RBFOX1: variants seen among roughly 807,000 people sequenced by gnomAD.
The protein encoded by RBFOX1 is RNA binding fox-1 homolog 1.
A neutral mutation model predicts 57.7 loss-of-function variants in RBFOX1; 8 were observed. The observed-to-expected ratio is 0.14, with a 90% CI of 0.08 to 0.25. The LOEUF is 0.25. Among genes scored for constraint, RBFOX1 ranks in the 10% least tolerant of loss-of-function variants. RBFOX1 has a pLI of 1.00. For missense variants in RBFOX1, 611 were observed against 548.5 expected, an observed-to-expected ratio of 1.11 and a Z score of -1.14; for synonymous variants, 326 against 222.4, an observed-to-expected ratio of 1.47 and a Z score of -4.15.
intron 3 of RBFOX1, among the ~76,000 whole-genome samples, chr16:6,938,482 C>G (rs1405528680): frequency 6.6e-6 from 1 of 152,242 alleles, no homozygotes; most frequent in South Asian, 2.1e-4. Flanking sequence ...TGAGAAATTT[C>G]TAAGTCTCAT....
intron 1 of RBFOX1, among the ~76,000 whole-genome samples, chr16:5,397,880 A>G (rs974444266): frequency 3.3e-5 from 5 of 152,302 alleles, no homozygotes; most frequent in South Asian, 2.1e-4. Flanking sequence ...GAATTGTCCT[A>G]TGTTCTATGT....
At chr16:7,061,410 G>C (rs752829176) in intron 4 of RBFOX1, among the ~76,000 whole-genome samples, 8 of 152,128 alleles carry the variant, frequency 5.3e-5, no homozygotes, top group Non-Finnish European at 8.8e-5. Context: ...ACTAGTCACA[G>C]ATTTTAATTT....
intron 2 of RBFOX1, among the ~76,000 whole-genome samples, chr16:6,440,122 A>G (rs2094345658): frequency 6.6e-6 from 1 of 151,850 alleles, no homozygotes; most frequent in African/African-American, 2.4e-5. Context: ...TTTTTAGTAG[A>G]GACGGGGCTT....
At chr16:5,461,076 C>T (rs1311438294) in intron 1 of RBFOX1, among the ~76,000 whole-genome samples, 5 of 152,114 alleles carry the variant, frequency 3.3e-5, no homozygotes, top group African/African-American at 7.2e-5. Flanking sequence ...CAAGGGGCTC[C>T]TGCAGTTTTG....
chr16:5,886,427 A>G (rs964733214), intron 4 of RBFOX1, among the ~76,000 whole-genome samples: 2 of 152,262 alleles, frequency 1.3e-5, no homozygotes, highest in Non-Finnish European at 2.9e-5. Flanking sequence ...AGAAATAGAC[A>G]GAAATAACTT....
chr16:6,199,029 G>A (rs1451882135), intron 1 of RBFOX1, among the ~76,000 whole-genome samples: 1 of 151,418 alleles, frequency 6.6e-6, no homozygotes, highest in Admixed American at 6.6e-5. Context: ...TTTCATTTAT[G>A]AAAAGCAAAT....
At chr16:6,988,471 C>T (rs936727155) in intron 3 of RBFOX1, among the ~76,000 whole-genome samples, 2 of 152,124 alleles carry the variant, frequency 1.3e-5, no homozygotes, top group Non-Finnish European at 2.9e-5. Context: ...AGTCGATTGC[C>T]TGTTGTGATA....
chr16:7,130,691 T>G (rs1052124011), intron 4 of RBFOX1, among the ~76,000 whole-genome samples: 3 of 152,224 alleles, frequency 2.0e-5, no homozygotes, highest in African/African-American at 7.2e-5. Flanking sequence ...TATAATTTTC[T>G]TAAAAGCATA....
chr16:6,049,681 C>A (rs1596694080), intron 1 of RBFOX1, among the ~76,000 whole-genome samples: 1 of 152,170 alleles, frequency 6.6e-6, no homozygotes, highest in East Asian at 1.9e-4. Context: ...TCATTGTTTT[C>A]TTATTTCCAA....
At chr16:5,675,045 G>A (rs751050810) in intron 3 of RBFOX1, among the ~76,000 whole-genome samples, 1 of 152,112 alleles carries the variant, frequency 6.6e-6, no homozygotes, top group Non-Finnish European at 1.5e-5. Flanking sequence ...ACTACTTGGA[G>A]CCTGAGGTGG....
At chr16:5,305,944 TACTC>T (rs2063921776) in intron 1 of RBFOX1, among the ~76,000 whole-genome samples, 2 of 152,078 alleles carry the variant, frequency 1.3e-5, no homozygotes, top group South Asian at 2.1e-4. Context: ...TAGTCCCAAT[TACTC>T]AGGAGGCCGG....
At chr16:6,967,468 G>A (rs1329228198) in intron 3 of RBFOX1, among the ~76,000 whole-genome samples, 5 of 152,236 alleles carry the variant, frequency 3.3e-5, no homozygotes, top group South Asian at 4.2e-4. Flanking sequence ...TGGGGGCAGT[G>A]GATAGGATAG....
intron 5 of RBFOX1, among the ~76,000 whole-genome samples, chr16:7,564,695 T>C (rs1467889937): frequency 1.3e-5 from 2 of 152,056 alleles, no homozygotes; most frequent in African/African-American, 4.8e-5. Flanking sequence ...ACCCAGCCTG[T>C]GGTATTTTGT....
chr16:7,410,288 T>C (rs1041204192), intron 4 of RBFOX1, among the ~76,000 whole-genome samples: 1 of 152,246 alleles, frequency 6.6e-6, no homozygotes, highest in African/African-American at 2.4e-5. Context: ...TTACAGATAC[T>C]GTTATTGCTC....
intron 3 of RBFOX1, among the ~76,000 whole-genome samples, chr16:6,898,379 G>C (rs1237084407): frequency 6.6e-6 from 1 of 152,132 alleles, no homozygotes; most frequent in Admixed American, 6.5e-5. Context: ...AGAATGTGGA[G>C]GGTATTGAGT....
intron 14 of RBFOX1, among the ~76,000 whole-genome samples, chr16:7,684,886 C>G (rs1370956418): frequency 6.6e-6 from 1 of 152,056 alleles, no homozygotes; most frequent in East Asian, 1.9e-4. Flanking sequence ...CGTTTCCCCA[C>G]TATTTTTGTT....
intron 1 of RBFOX1, among the ~76,000 whole-genome samples, chr16:6,033,394 T>G (rs2095317955): frequency 2.0e-5 from 3 of 152,344 alleles, no homozygotes; most frequent in South Asian, 4.1e-4. Context: ...AAATCTCTCT[T>G]GCACTTGCCT....
intron 4 of RBFOX1, among the ~76,000 whole-genome samples, chr16:7,401,871 T>C (rs558542251): frequency 6.6e-6 from 1 of 152,316 alleles, no homozygotes; most frequent in South Asian, 2.1e-4. Context: ...TTGATTGTCC[T>C]TTAAAAATGG....
intron 3 of RBFOX1, among the ~76,000 whole-genome samples, chr16:5,858,246 C>T (rs1281074304): frequency 6.6e-6 from 1 of 152,082 alleles, no homozygotes; most frequent in Non-Finnish European, 1.5e-5. Context: ...TGGGAAAGGC[C>T]CAGAGAGCCT....
Sources: allele counts gnomAD v4.1 joint callset (sites outside exome capture counted in the v4.1 genomes callset), GRCh38; gene constraint gnomAD v4.1.1; transcripts MANE v1.5; gene names NCBI Gene and HGNC (gene_info 2026-07-23, HGNC 2026-07-21).